The following NDUFA9 variants were observed in gnomAD, a reference collection of about 807,000 sequenced individuals.
The protein encoded by NDUFA9 is NADH:ubiquinone oxidoreductase subunit A9.
A neutral mutation model predicts 45.9 loss-of-function variants in NDUFA9; 23 were observed. The ratio of observed to expected loss-of-function variants is 0.50; its 90% CI spans 0.36 to 0.71. The LOEUF is 0.71. NDUFA9 is among the 30% of genes least tolerant of loss of function. The pLI, the probability that NDUFA9 is intolerant of heterozygous loss-of-function variation, is 0.00. For missense variants in NDUFA9, 466 were observed against 488.2 expected, an observed-to-expected ratio of 0.95 and a Z score of 0.43; for synonymous variants, 176 against 170.5, an observed-to-expected ratio of 1.03 and a Z score of -0.25.
At chr12:4,651,627 G>T (rs1236486643) in intron 1 of NDUFA9, among the ~76,000 whole-genome samples, 1 of 152,114 alleles carries the variant, frequency 6.6e-6, no homozygotes, top group Non-Finnish European at 1.5e-5. Flanking sequence ...GTGCTACGTG[G>T]TTTATGTATG....
At chr12:4,676,673 T>C (rs1294386680) in intron 8 of NDUFA9, among the ~76,000 whole-genome samples, 1 of 152,140 alleles carries the variant, frequency 6.6e-6, no homozygotes, top group East Asian at 1.9e-4. Flanking sequence ...TGGAAAAACA[T>C]TCCATGATCA....
intron 1 of NDUFA9, among the ~76,000 whole-genome samples, chr12:4,652,400 T>A (rs1945764807): frequency 6.6e-6 from 1 of 152,206 alleles, no homozygotes; most frequent in Admixed American, 6.5e-5. Context: ...TTGTGTATAC[T>A]CCTCATCTAC....
At chr12:4,674,960 A>G (rs940727300) in intron 8 of NDUFA9, among the ~76,000 whole-genome samples, 11 of 152,222 alleles carry the variant, frequency 7.2e-5, no homozygotes, top group African/African-American at 2.7e-4. Flanking sequence ...CAGAAATCAT[A>G]ACAGTCTCTC....
chr12:4,682,237 A>T lies in NDUFA9; in HGVS notation c.833A>T (p.Lys278Met). Reference sequence around the variant, plus strand: ...CGGTACCTCCTTTTCCACCTGGTGAAGTACATCTTTGCTGTGGCTCACAGA... The same window carrying T: ...CGGTACCTCCTTTTCCACCTGGTGATGTACATCTTTGCTGTGGCTCACAGA... ...PSRYLLFHLV[K>M]YIFAVAHRLF... Residue 278 changes from lysine to methionine, a missense_variant, in exon 9 of 11, where the codon AAG becomes ATG. Physicochemically the swap from Lys to Met is moderately conservative, Grantham distance 95. Transcript: ENST00000266544. 4 of 1,613,452 alleles carry T rather than the reference A, an allele frequency of 2.5e-6. No individual in the cohort carries two copies. Among genetic ancestry groups the T allele is most frequent in the Non-Finnish European group, 3.4e-6 (4 of 1,179,600 alleles).
intron 1 of NDUFA9, 50 bp from the exon 2 acceptor site, chr12:4,654,242 T>A: frequency 6.5e-7 from 1 of 1,531,730 alleles, no homozygotes; most frequent in Non-Finnish European, 8.9e-7. Context: ...TTGACAGTTT[T>A]AAAAATATTA....
intron 5 of NDUFA9, among the ~76,000 whole-genome samples, chr12:4,660,253 A>G (rs1281898855): frequency 6.6e-6 from 1 of 152,142 alleles, no homozygotes; most frequent in African/African-American, 2.4e-5. Flanking sequence ...AGACCAATTA[A>G]AACAATTTCT....
chr12:4,665,372 A>G (rs917372742), intron 6 of NDUFA9, among the ~76,000 whole-genome samples: 1 of 152,202 alleles, frequency 6.6e-6, no homozygotes, highest in Non-Finnish European at 1.5e-5. Context: ...ACTTAGCATA[A>G]TATGCTCAAG....
In NDUFA9 at chr12:4,692,778, T is replaced by A. The variant is rs566987546; in HGVS notation, c.*5670T>A. ...TGACAAGTAATAGTATATGATAGCA[T>A]AGTATATGATAGCAGTAGTATACGA... On this transcript the variant is annotated 3_prime_UTR_variant, in exon 11 of 11. Transcript: ENST00000266544. The A allele has an allele frequency of 6.6e-6, 1 of 152,178 alleles. No individual in the cohort carries two copies. Among genetic ancestry groups the A allele is most frequent in the South Asian group, 2.1e-4 (1 of 4,826 alleles). The allele number at this position is 152,178 out of a possible 1,614,324, so 9.4% of individuals were successfully genotyped here.
intron 6 of NDUFA9, among the ~76,000 whole-genome samples, chr12:4,665,223 G>C (rs1349716068): frequency 2.0e-5 from 3 of 152,046 alleles, no homozygotes; most frequent in African/African-American, 7.3e-5. Flanking sequence ...CTGAAATTCT[G>C]TACCCCTTAA....
intron 8 of NDUFA9, among the ~76,000 whole-genome samples, chr12:4,672,572 T>G (rs1945893951): frequency 6.6e-6 from 1 of 152,076 alleles, no homozygotes; most frequent in Non-Finnish European, 1.5e-5. Flanking sequence ...TTGCTGAGAT[T>G]TGAGTAGGTG....
intron 5 of NDUFA9, 66 bp from the exon 6 acceptor site, chr12:4,662,467 G>A (rs961082748): frequency 8.3e-7 from 1 of 1,209,070 alleles, no homozygotes; most frequent in Non-Finnish European, 1.2e-6. Flanking sequence ...TCTTAATAGT[G>A]GAAAGAATGG....
At chr12:4,681,387 A>G (rs1357615551) in intron 8 of NDUFA9, among the ~76,000 whole-genome samples, 1 of 151,728 alleles carries the variant, frequency 6.6e-6, no homozygotes, top group African/African-American at 2.4e-5. Context: ...TTTTATAGAC[A>G]GGGACTCCAG....
chr12:4,665,460 A>G (rs886652521), intron 6 of NDUFA9, among the ~76,000 whole-genome samples: 1 of 152,198 alleles, frequency 6.6e-6, no homozygotes, highest in Non-Finnish European at 1.5e-5. Flanking sequence ...TGTCTATACC[A>G]CATTTTGTTT....
chr12:4,669,953 T>A, intron 8 of NDUFA9, 136 bp downstream of exon 8: 1 of 678,404 alleles, frequency 1.5e-6, no homozygotes, highest in Non-Finnish European at 2.6e-6. Flanking sequence ...AAATCAGAAT[T>A]TGAGGGAACC....
chr12:4,658,400 A>C (rs4147677), intron 4 of NDUFA9, among the ~76,000 whole-genome samples: 37,614 of 152,146 alleles, frequency 0.25, 4,846 homozygotes, highest in Middle Eastern at 0.39. Flanking sequence ...TTCTTTGATG[A>C]CTTGGGGGTC....
chr12:4,673,533 A>G (rs1324976764), intron 8 of NDUFA9, among the ~76,000 whole-genome samples: 2 of 152,226 alleles, frequency 1.3e-5, no homozygotes, highest in Admixed American at 6.5e-5. Flanking sequence ...TGAAGCATAC[A>G]CAAGTATCAA....
chr12:4,664,011 T>A (rs1037589142), intron 6 of NDUFA9, among the ~76,000 whole-genome samples: 24 of 152,154 alleles, frequency 1.6e-4, no homozygotes, highest in African/African-American at 5.8e-4. Flanking sequence ...GTGATGAAAT[T>A]GTTTATTCAG....
Position 4,691,235 on chromosome 12 carries a change from G to A in NDUFA9, c.*4127G>A, listed in dbSNP as rs1946017205. 1 of 152,216 alleles carries A rather than the reference G, an allele frequency of 6.6e-6. No individual in the cohort carries two copies. The highest frequency in any genetic ancestry group is 2.4e-5 in the African/African-American group (1 of 41,454). The allele number at this position is 152,216 out of a possible 1,614,324, so 9.4% of individuals were successfully genotyped here. ...TGAGATCATGCATGTAAAATGCTGA[G>A]CCCTGCACATAATAAGAACTAAGTA... is the stretch of plus-strand genomic sequence containing the variant. On this transcript the variant is annotated 3_prime_UTR_variant, in exon 11 of 11. Transcript: ENST00000266544.
intron 8 of NDUFA9, among the ~76,000 whole-genome samples, chr12:4,675,715 G>A (rs1945915687): frequency 6.6e-6 from 1 of 152,142 alleles, no homozygotes; most frequent in South Asian, 2.1e-4. Flanking sequence ...ATTCACAGCT[G>A]AATTATTCCA....
Sources: gnomAD v4.1 joint callset for allele counts (sites outside exome capture counted in the v4.1 genomes callset) on GRCh38, gnomAD v4.1.1 for gene constraint, MANE v1.5 for transcripts, NCBI Gene and HGNC (gene_info 2026-07-23, HGNC 2026-07-21) for gene names.